Variants in SASH1 observed in about 807,000 individuals in gnomAD.
SASH1 encodes the protein SAM and SH3 domain containing 1.
Under a neutral mutation model 125.2 loss-of-function variants are expected in SASH1, and 44 were observed. The observed-to-expected ratio is 0.35, with a 90% CI of 0.28 to 0.45. SASH1 has a LOEUF of 0.45. Among genes scored for constraint, SASH1 ranks in the 20% least tolerant of loss-of-function variants. The probability of loss-of-function intolerance (pLI) is 1.00; values close to 1 mark genes in which losing one functional copy is unlikely to be tolerated. For missense variants in SASH1, 1,426 were observed against 1,614.5 expected, an observed-to-expected ratio of 0.88 and a Z score of 2.00; for synonymous variants, 639 against 649.1, an observed-to-expected ratio of 0.98 and a Z score of 0.24.
the SASH1 span, among the ~76,000 whole-genome samples, chr6:148,207,489 C>T: frequency 2.6e-5 from 4 of 152,156 alleles, no homozygotes; most frequent in Non-Finnish European, 4.4e-5. Context: ...TATTATGCCA[C>T]ACAGCCAAGC....
intron 1 of SASH1, among the ~76,000 whole-genome samples, chr6:148,347,568 G>A (rs1781563333): frequency 6.6e-6 from 1 of 152,168 alleles, no homozygotes; most frequent in African/African-American, 2.4e-5. Flanking sequence ...GTGGGGCGGG[G>A]AGATGTTAGT....
Position 148,532,725 on chromosome 6 carries a change from C to T in SASH1, c.1565-72C>T. The T allele has an allele frequency of 6.4e-7, 1 of 1,557,148 alleles. No individual in the cohort carries two copies. Among genetic ancestry groups the T allele is most frequent in the South Asian group, 1.2e-5 (1 of 85,996 alleles). ...GCCTTCATTTCCTAATCTGCCATAC[C>T]TTCAATACCTTTCTGCTTTGCTGGG... On this transcript the variant is annotated intron_variant, in intron 13 of 19. Transcript: ENST00000367467. The surrounding 1 kb of genome is among the most constrained non-coding windows in gnomAD (Gnocchi z 4.7).
At chr6:148,374,108 T>C (rs765325138) in intron 1 of SASH1, among the ~76,000 whole-genome samples, 27 of 152,262 alleles carry the variant, frequency 1.8e-4, no homozygotes, top group Non-Finnish European at 1.9e-4. Flanking sequence ...GCAGGCTTTC[T>C]TCCCATAATG....
the SASH1 span, among the ~76,000 whole-genome samples, chr6:148,232,468 G>A: frequency 6.6e-6 from 1 of 152,254 alleles, no homozygotes; most frequent in Non-Finnish European, 1.5e-5. Flanking sequence ...TGAAGTTCTA[G>A]GGAACAGAAG....
At chr6:148,379,604 A>C (rs528929233) in intron 1 of SASH1, among the ~76,000 whole-genome samples, 3 of 151,882 alleles carry the variant, frequency 2.0e-5, no homozygotes, top group Admixed American at 6.6e-5. Flanking sequence ...TCCATCCATC[A>C]ATCCATCCAT....
At chr6:148,310,192 C>A (rs963950601) in intron 1 of SASH1, among the ~76,000 whole-genome samples, 1 of 151,868 alleles carries the variant, frequency 6.6e-6, no homozygotes. Flanking sequence ...TGTGGTGGTG[C>A]GTGCCTGTAG....
At chr6:148,515,184 G>C (rs1780369977) in intron 9 of SASH1, among the ~76,000 whole-genome samples, 1 of 152,100 alleles carries the variant, frequency 6.6e-6, no homozygotes, top group African/African-American at 2.4e-5. Context: ...AAGGTAAAAT[G>C]AAAGAATAAG....
chr6:148,436,523 A>AAAAATT (rs1447839131), intron 2 of SASH1, among the ~76,000 whole-genome samples: 28 of 152,074 alleles, frequency 1.8e-4, no homozygotes, highest in East Asian at 3.9e-4. Context: ...AAATAAAAAT[A>AAAAATT]AAAATTAAAA....
intron 1 of SASH1, among the ~76,000 whole-genome samples, chr6:148,333,812 G>A (rs779563156): frequency 2.0e-5 from 3 of 150,768 alleles, no homozygotes; most frequent in Non-Finnish European, 3.0e-5. Context: ...CTGCCACTGC[G>A]CCCAGCTAGA....
intron 1 of SASH1, among the ~76,000 whole-genome samples, chr6:148,345,746 T>A (rs1161810067): frequency 1.3e-5 from 2 of 152,210 alleles, no homozygotes; most frequent in Non-Finnish European, 2.9e-5. Context: ...TTTGCAATCA[T>A]CTATCAATCT....
intron 1 of SASH1, among the ~76,000 whole-genome samples, chr6:148,333,889 C>A (rs1781068381): frequency 6.6e-6 from 1 of 151,936 alleles, no homozygotes; most frequent in African/African-American, 2.4e-5. Context: ...GTGGCGTGAT[C>A]TCAGCTCACT....
chr6:148,245,845 C>A, the SASH1 span, among the ~76,000 whole-genome samples: 1 of 151,774 alleles, frequency 6.6e-6, no homozygotes. Flanking sequence ...AAAAATTAGC[C>A]GGGCATGGTG....
At chr6:148,287,009 G>T (rs1287969159) in intron 1 of SASH1, among the ~76,000 whole-genome samples, 1 of 152,130 alleles carries the variant, frequency 6.6e-6, no homozygotes, top group Admixed American at 6.6e-5. Context: ...ACCACAGTGT[G>T]CTGCTCCAGG....
intron 1 of SASH1, among the ~76,000 whole-genome samples, chr6:148,345,013 C>A (rs1003724384): frequency 1.3e-5 from 2 of 152,148 alleles, no homozygotes; most frequent in Admixed American, 1.3e-4. Context: ...CTCGGCCTCC[C>A]AAAGTGCTGG....
At chr6:148,224,170 C>T in the SASH1 span, among the ~76,000 whole-genome samples, 4 of 152,226 alleles carry the variant, frequency 2.6e-5, no homozygotes, top group Middle Eastern at 0.014. Flanking sequence ...GTGTCTCACA[C>T]CTATAATTCC....
intron 4 of SASH1, among the ~76,000 whole-genome samples, chr6:148,465,351 A>G (rs75004559): frequency 6.6e-6 from 1 of 152,122 alleles, no homozygotes; most frequent in African/African-American, 2.4e-5. Context: ...CAGGAGTTCA[A>G]GTCCAGCCTG....
intron 10 of SASH1, among the ~76,000 whole-genome samples, chr6:148,524,121 A>ATATATATATATAT (rs1193506716): frequency 1.4e-3 from 175 of 128,578 alleles, no homozygotes; most frequent in Middle Eastern, 4.3e-3. Context: ...ATATATATAT[A>ATATATATATATAT]TTTTTTTTAA....
chr6:148,348,588 A>T (rs148281418), intron 1 of SASH1, among the ~76,000 whole-genome samples: 1 of 152,096 alleles, frequency 6.6e-6, no homozygotes, highest in Admixed American at 6.6e-5. Flanking sequence ...TCCTTGTAGG[A>T]GGTGTGGTCA....
intron 2 of SASH1, among the ~76,000 whole-genome samples, chr6:148,423,497 A>G (rs903574057): frequency 3.3e-5 from 5 of 152,238 alleles, no homozygotes; most frequent in Admixed American, 2.6e-4. Flanking sequence ...CTTCATTAGT[A>G]CAAAATGTGA....
Sources: allele counts gnomAD v4.1 joint callset (sites outside exome capture counted in the v4.1 genomes callset), GRCh38; gene constraint gnomAD v4.1.1; non-coding constraint Gnocchi (gnomAD v3.1); transcripts MANE v1.5; gene names NCBI Gene and HGNC (gene_info 2026-07-23, HGNC 2026-07-21).